Variants in TRIM37 observed in about 807,000 individuals in gnomAD.
TRIM37 encodes the protein E3 ubiquitin-protein ligase TRIM37.
TRIM37 carries 80 observed loss-of-function variants against 129.8 expected under a neutral mutation model. That is an observed-to-expected ratio of 0.62 (90% CI 0.51 to 0.74). The LOEUF (loss-of-function observed/expected upper bound fraction) is 0.74. Ranked by LOEUF, TRIM37 falls within the 30% of genes least tolerant of loss-of-function variation. The pLI is 0.00. For synonymous variants in TRIM37, 389 were observed against 387.1 expected (o/e 1.00, Z -0.06); for missense variants, 1,054 against 1,176.5 (o/e 0.90, Z 1.52).
At chr17:58,967,807 T>C in the TRIM37 span, among the ~76,000 whole-genome samples, 7 of 151,476 alleles carry the variant, frequency 4.6e-5, no homozygotes, top group African/African-American at 9.7e-5. Context: ...TTATTTCTTT[T>C]TTTTTTTTTT....
intron 13 of TRIM37, among the ~76,000 whole-genome samples, chr17:59,056,585 C>T (rs1008016112): frequency 6.0e-5 from 9 of 151,098 alleles, no homozygotes. Flanking sequence ...AAAAAATTAG[C>T]CAGGCGTGGT....
intron 8 of TRIM37, among the ~76,000 whole-genome samples, chr17:59,072,677 G>A (rs2042477355): frequency 6.6e-6 from 1 of 151,920 alleles, no homozygotes; most frequent in African/African-American, 2.4e-5. Context: ...GAACCCAGGA[G>A]GCGGAGGTTA....
chr17:59,101,677 A>AATAT (rs1555701174), intron 2 of TRIM37, among the ~76,000 whole-genome samples: 185 of 101,506 alleles, frequency 1.8e-3, no homozygotes, highest in Middle Eastern at 6.5e-3. Context: ...AAAAAAAAAA[A>AATAT]ATATATATAT....
intron 13 of TRIM37, 77 bp downstream of exon 13, chr17:59,056,775 TTCAATATTCATCTTTGTTAACCA>T (rs2040963610): frequency 1.2e-6 from 1 of 812,996 alleles, no homozygotes; most frequent in African/African-American, 1.7e-5. Flanking sequence ...TAGTATGAAT[TTCAATATTCATCTTTGTTAACCA>T]AATGATCTTT....
At chr17:59,098,659 T>C (rs542342445) in intron 2 of TRIM37, among the ~76,000 whole-genome samples, 1 of 137,670 alleles carries the variant, frequency 7.3e-6, no homozygotes, top group East Asian at 2.0e-4. Context: ...AGTGAGACAC[T>C]GTCTCATTTA....
intron 11 of TRIM37, 112 bp downstream of exon 11, chr17:59,062,455 A>T: frequency 1.2e-6 from 1 of 850,978 alleles, no homozygotes; most frequent in Non-Finnish European, 1.9e-6. Flanking sequence ...CGGACAGCAT[A>T]TGTAACAAAA....
At chr17:59,051,477 A>C in intron 13 of TRIM37, 149 bp from the exon 14 acceptor site, 1 of 676,360 alleles carries the variant, frequency 1.5e-6, no homozygotes, top group Non-Finnish European at 2.7e-6. Flanking sequence ...TTATAGATGT[A>C]GTCCACAGAT....
chr17:58,988,216 G>A (rs1192903567), intron 24 of TRIM37, among the ~76,000 whole-genome samples: 1 of 152,122 alleles, frequency 6.6e-6, no homozygotes, highest in Non-Finnish European at 1.5e-5. Flanking sequence ...AGAAACTAGG[G>A]GAGTCGCCCT....
intron 19 of TRIM37, among the ~76,000 whole-genome samples, chr17:59,025,723 G>A (rs913889971): frequency 1.3e-5 from 2 of 152,000 alleles, no homozygotes; most frequent in African/African-American, 4.8e-5. Flanking sequence ...AATATTAAGT[G>A]GACCTGTACA....
chr17:59,012,227 G>GCAGCAGCAGTAGCAGCAC, intron 22 of TRIM37, 101 bp downstream of exon 22: 1 of 610,752 alleles, frequency 1.6e-6, no homozygotes, highest in Non-Finnish European at 2.9e-6. Context: ...AGCAGCAGCA[G>GCAGCAGCAGTAGCAGCAC]CACCACCACC....
At chr17:58,981,832 C>G (rs1489941637), downstream of TRIM37, 2 of 152,590 alleles carry the variant, frequency 1.3e-5, no homozygotes, top group Non-Finnish European at 2.9e-5. Context: ...GTGTTTTCCA[C>G]TGTACCCTCA....
intron 16 of TRIM37, among the ~76,000 whole-genome samples, chr17:59,042,886 T>TA (rs1309300078): frequency 6.6e-6 from 1 of 152,118 alleles, no homozygotes; most frequent in Non-Finnish European, 1.5e-5. Flanking sequence ...TAGAAGAGAT[T>TA]AATCTCTCCT....
intron 8 of TRIM37, among the ~76,000 whole-genome samples, chr17:59,074,190 C>T (rs1374731808): frequency 6.6e-6 from 1 of 152,212 alleles, no homozygotes; most frequent in African/African-American, 2.4e-5. Context: ...TACTAGGCAA[C>T]AGAAGTATTT....
rs1453503422 is a variant in TRIM37 at position 58,999,442 on chromosome 17, G to A, written c.2830C>T (p.Pro944Ser). ...TCAGGGCCTATTTGTTCACCATCAGGAAAACTGGAATGTGTATCTATGATT... is the reference window on the plus strand; with the variant it reads ...TCAGGGCCTATTTGTTCACCATCAGAAAAACTGGAATGTGTATCTATGATT... The part of the protein sequence containing the change: ...PPDEDTHSSF[P>S]DGEQIGPEDL... The change falls in exon 24 of 24, where the codon CCT becomes TCT. Residue 944 changes from proline (P) to serine (S), a missense_variant. This residue lies in a region of TRIM37 where 287 missense variants were observed against 274.3 expected (regional missense o/e 1.05). Coordinates refer to ENST00000262294, the MANE Select transcript of TRIM37 (RefSeq NM_015294.6). 3.1e-6 allele frequency: 5 copies of A among 1,612,878 alleles called. No individual in the cohort carries two copies. The highest frequency in any genetic ancestry group is 4.2e-6 in the Non-Finnish European group (5 of 1,179,502).
rs113113021 is a variant in TRIM37, at chr17:59,050,946, C to G, written c.1314+268G>C. Reference sequence around the variant, plus strand: ...AGTGAGCCGAGATTGCACCACTGCACTCCAGCCTGGGCAACAGAGCGAGAC... The same window carrying G: ...AGTGAGCCGAGATTGCACCACTGCAGTCCAGCCTGGGCAACAGAGCGAGAC... On this transcript the variant is annotated intron_variant, in intron 14 of 23. Transcript: ENST00000262294. Among the ~76,000 whole-genome samples the G allele has an allele frequency of 9.2e-4, 140 of 152,148 alleles. 3 individuals carry two copies. The highest frequency in any genetic ancestry group is 3.2e-3 in the African/African-American group (132 of 41,488).
At chr17:59,080,886 G>C (rs1426284698) in intron 6 of TRIM37, among the ~76,000 whole-genome samples, 1 of 152,078 alleles carries the variant, frequency 6.6e-6, no homozygotes, top group Non-Finnish European at 1.5e-5. Context: ...GTAATTCTCT[G>C]ACTCCAACTG....
intron 2 of TRIM37, among the ~76,000 whole-genome samples, chr17:59,098,052 T>C (rs2045074434): frequency 6.6e-6 from 1 of 152,160 alleles, no homozygotes; most frequent in Non-Finnish European, 1.5e-5. Context: ...ACTACAAAGC[T>C]ACAGTAATCA....
intron 7 of TRIM37, 41 bp downstream of exon 7, chr17:59,079,713 T>C (rs2081096585): frequency 6.2e-7 from 1 of 1,612,682 alleles, no homozygotes. Context: ...TCAAAGAAGC[T>C]GAAAGCACCA....
chr17:59,083,993 T>C lies in TRIM37; in HGVS notation c.369+9A>G. ...AACTTAAAAAAAATACTGAATTTGTTCTGCTCACCATTCCTCCCCAAAGTG... is the reference window on the plus strand; with the variant it reads ...AACTTAAAAAAAATACTGAATTTGTCCTGCTCACCATTCCTCCCCAAAGTG... On this transcript the variant is annotated intron_variant, in intron 5 of 23. Coordinates refer to ENST00000262294, the MANE Select transcript of TRIM37 (RefSeq NM_015294.6). The C allele has an allele frequency of 6.2e-7, 1 of 1,611,900 alleles. No homozygotes were observed. The highest frequency in any genetic ancestry group is 8.5e-7 in the Non-Finnish European group (1 of 1,178,146).
Sources: allele counts gnomAD v4.1 joint callset (sites outside exome capture counted in the v4.1 genomes callset), GRCh38; gene constraint gnomAD v4.1.1; regional missense constraint gnomAD v4.1.1; transcripts MANE v1.5; gene names NCBI Gene and HGNC (gene_info 2026-07-23, HGNC 2026-07-21).